ASIC2: variants seen among roughly 807,000 people sequenced by gnomAD.
ASIC2 encodes the protein acid sensing ion channel subunit 2.
A neutral mutation model predicts 57.3 loss-of-function variants in ASIC2; 25 were observed. The observed-to-expected ratio is 0.44, with a 90% confidence interval of 0.32 to 0.61. ASIC2 has a LOEUF of 0.61. Ranked by LOEUF, ASIC2 falls within the 20% of genes least tolerant of loss-of-function variation. The pLI, the probability that ASIC2 is intolerant of heterozygous loss-of-function variation, is 0.06. For missense variants in ASIC2, 641 were observed against 738.1 expected (o/e 0.87, Z 1.52); for synonymous variants, 319 against 307.5 (o/e 1.04, Z -0.39).
intron 1 of ASIC2, among the ~76,000 whole-genome samples, chr17:33,504,010 G>A (rs1272304561): frequency 6.6e-6 from 1 of 152,220 alleles, no homozygotes; most frequent in East Asian, 1.9e-4. Context: ...AGCTGGGGAG[G>A]AGATATTTAT....
chr17:33,697,019 C>T (rs1311207530), intron 1 of ASIC2, among the ~76,000 whole-genome samples: 2 of 152,118 alleles, frequency 1.3e-5, no homozygotes, highest in African/African-American at 4.8e-5. Flanking sequence ...ATACTGTCCT[C>T]ACAATAGTGA....
intron 1 of ASIC2, among the ~76,000 whole-genome samples, chr17:33,476,711 T>C (rs943337303): frequency 3.3e-5 from 5 of 151,940 alleles, no homozygotes; most frequent in Admixed American, 3.3e-4. Flanking sequence ...AAATCGTTCA[T>C]GTGTCCCTGT....
chr17:34,035,705 A>G (rs549947566), intron 1 of ASIC2, among the ~76,000 whole-genome samples: 11 of 151,860 alleles, frequency 7.2e-5, no homozygotes, highest in South Asian at 2.1e-4. Context: ...AAACAACCCC[A>G]TCAAAAAGTG....
upstream of ASIC2, among the ~76,000 whole-genome samples, chr17:33,297,712 TACTC>T (rs1905773503): frequency 6.6e-6 from 1 of 151,856 alleles, no homozygotes; most frequent in Non-Finnish European, 1.5e-5. Flanking sequence ...TAGTTCTAGT[TACTC>T]AGGAGGCTGA....
At chr17:33,215,604 T>A (rs1438383460) in intron 1 of ASIC2, among the ~76,000 whole-genome samples, 1 of 152,196 alleles carries the variant, frequency 6.6e-6, no homozygotes, top group Non-Finnish European at 1.5e-5. Flanking sequence ...GAAAAAAGCC[T>A]GAAAGAAATT....
intron 1 of ASIC2, among the ~76,000 whole-genome samples, chr17:33,443,651 C>T (rs1222207352): frequency 6.6e-6 from 1 of 151,274 alleles, no homozygotes; most frequent in Non-Finnish European, 1.5e-5. Flanking sequence ...CTCCTGACCT[C>T]GTGATCCGCC....
upstream of ASIC2, among the ~76,000 whole-genome samples, chr17:33,297,470 T>A (rs60626534): frequency 0.028 from 4,332 of 152,244 alleles, 191 homozygotes; most frequent in African/African-American, 0.099. Context: ...TAGAATGCTG[T>A]ATGCACTTTC....
At chr17:34,106,392 T>C (rs1020915964) in intron 1 of ASIC2, among the ~76,000 whole-genome samples, 2 of 152,122 alleles carry the variant, frequency 1.3e-5, no homozygotes, top group Non-Finnish European at 1.5e-5. Context: ...TTTTTACCCA[T>C]TTTTACTACG....
chr17:33,348,857 T>C (rs2142246169), intron 1 of ASIC2, among the ~76,000 whole-genome samples: 1 of 151,974 alleles, frequency 6.6e-6, no homozygotes, highest in East Asian at 1.9e-4. Context: ...AGAGCAGGGA[T>C]CTCATGTGTC....
chr17:34,015,068 CTTTTTTT>C (rs776970617), intron 1 of ASIC2, among the ~76,000 whole-genome samples: 7 of 129,674 alleles, frequency 5.4e-5, no homozygotes, highest in Non-Finnish European at 9.9e-5. Context: ...TTTCTTCTGC[CTTTTTTT>C]TTTTTTTTTT....
chr17:33,384,237 C>T (rs1261874304), intron 1 of ASIC2, among the ~76,000 whole-genome samples: 1 of 152,268 alleles, frequency 6.6e-6, no homozygotes, highest in Non-Finnish European at 1.5e-5. Flanking sequence ...ACATGATTGC[C>T]CTTTCCAAAT....
At chr17:34,035,061 C>A (rs1353442057) in intron 1 of ASIC2, among the ~76,000 whole-genome samples, 2 of 150,896 alleles carry the variant, frequency 1.3e-5, no homozygotes, top group Non-Finnish European at 2.9e-5. Context: ...CCAAGTCAAT[C>A]CTAAGCCAAA....
At chr17:33,866,547 CAA>C (rs1438191263) in intron 1 of ASIC2, among the ~76,000 whole-genome samples, 1 of 152,102 alleles carries the variant, frequency 6.6e-6, no homozygotes, top group African/African-American at 2.4e-5. Flanking sequence ...TTCTGAGAGT[CAA>C]AGAGTATATG....
chr17:33,719,166 G>C (rs1432363052), intron 1 of ASIC2, among the ~76,000 whole-genome samples: 1 of 152,332 alleles, frequency 6.6e-6, no homozygotes, highest in African/African-American at 2.4e-5. Flanking sequence ...CCTTGTCTGG[G>C]TGGGAGGGAA....
At chr17:33,477,347 T>C (rs990082188) in intron 1 of ASIC2, among the ~76,000 whole-genome samples, 3 of 152,154 alleles carry the variant, frequency 2.0e-5, no homozygotes, top group African/African-American at 7.2e-5. Context: ...ATAAATACAT[T>C]GGGAAGCTAC....
intron 1 of ASIC2, among the ~76,000 whole-genome samples, chr17:33,459,811 T>C (rs1912575680): frequency 6.6e-6 from 1 of 152,184 alleles, no homozygotes; most frequent in South Asian, 2.1e-4. Flanking sequence ...CCCCTTGCCC[T>C]TTCCAGGCTG....
chr17:33,642,207 A>ACCC (rs200980132), intron 1 of ASIC2, among the ~76,000 whole-genome samples: 11 of 136,846 alleles, frequency 8.0e-5, no homozygotes, highest in Admixed American at 1.5e-4. Context: ...GCAAAAGGAC[A>ACCC]CCCCCCCCCC....
chr17:33,638,568 A>T (rs1368052243), intron 1 of ASIC2, among the ~76,000 whole-genome samples: 1 of 152,156 alleles, frequency 6.6e-6, no homozygotes, highest in East Asian at 1.9e-4. Context: ...GTTTGTACAC[A>T]CACACACACA....
intron 1 of ASIC2, among the ~76,000 whole-genome samples, chr17:33,973,409 G>A (rs1905277882): frequency 6.6e-6 from 1 of 152,192 alleles, no homozygotes; most frequent in Admixed American, 6.5e-5. Flanking sequence ...TAGAAGCTGT[G>A]CTTAAAGAGC....
Sources: gnomAD v4.1 joint callset for allele counts (sites outside exome capture counted in the v4.1 genomes callset) on GRCh38, gnomAD v4.1.1 for gene constraint, MANE v1.5 for transcripts, NCBI Gene and HGNC (gene_info 2026-07-23, HGNC 2026-07-21) for gene names.